Variants in CEP70 observed in about 807,000 individuals in gnomAD.
The protein encoded by CEP70 is centrosomal protein of 70 kDa.
In CEP70, 70 loss-of-function variants were observed where a neutral mutation model predicts 90.9. The observed-to-expected ratio is 0.77, with a 90% CI of 0.64 to 0.94. The LOEUF is 0.94. Ranked by LOEUF, CEP70 falls within the 40% of genes least tolerant of loss-of-function variation. The pLI is 0.00. For synonymous variants in CEP70, 220 were observed against 228.3 expected, an observed-to-expected ratio of 0.96 and a Z score of 0.33; for missense variants, 648 against 669.0, an observed-to-expected ratio of 0.97 and a Z score of 0.35.
At position 138,563,764 on chromosome 3, in the gene CEP70, A is replaced by AC. The variant is rs974240464; in HGVS notation, c.465+6553dup. On this transcript the variant is annotated intron_variant, in intron 6 of 17. Transcript: ENST00000264982. ...AAAGCAGGAAAGATCTAAAATCGACACCTAAAATCACAATTAAAAGAACTA... is the reference window on the plus strand; with the variant it reads ...AAAGCAGGAAAGATCTAAAATCGACACCCTAAAATCACAATTAAAAGAACTA... Among the ~76,000 whole-genome samples, 860 of 152,200 alleles carry AC rather than the reference A, an allele frequency of 5.7e-3. 7 individuals are homozygous for AC. The highest frequency in any genetic ancestry group is 0.02 in the African/African-American group (828 of 41,530).
rs1275720490 is a variant in CEP70 at position 138,572,888 on chromosome 3, G to A, written c.40C>T (p.Pro14Ser). ...VAPKPQDSSQ[P>S]SDRLMTEKQQ... The stretch of plus-strand genomic sequence containing the variant: ...TTTTCAGTCATGAGTCTGTCTGATG[G>A]TTGACTGGAATCCTGGGGTTTAGGG... Residue 14 changes from proline (P) to serine (S), a missense_variant, in exon 3 of 18, where the codon CCA becomes TCA. Pro to Ser is a moderately conservative substitution (Grantham distance 74). Transcript: ENST00000264982. 6.8e-6 allele frequency: 11 copies of A among 1,609,784 alleles called. No individual in the cohort carries two copies. The highest frequency in any genetic ancestry group is 8.5e-6 in the Non-Finnish European group (10 of 1,176,800).
intron 12 of CEP70, 70 bp downstream of exon 12, chr3:138,508,369 T>C (rs2035188506): frequency 2.1e-6 from 2 of 961,924 alleles, no homozygotes; most frequent in Non-Finnish European, 3.4e-6. Context: ...GATAATTTAT[T>C]ACACCACAAC....
chr3:138,539,090 G>T (rs1042027428), intron 6 of CEP70, among the ~76,000 whole-genome samples: 6 of 152,158 alleles, frequency 3.9e-5, no homozygotes, highest in African/African-American at 1.4e-4. Context: ...TCAGCTTACT[G>T]CAACTTCCAC....
chr3:138,495,785 G>T (rs1325183299), intron 17 of CEP70: 1 of 655,538 alleles, frequency 1.5e-6, no homozygotes, highest in Non-Finnish European at 1.9e-6. Context: ...CCCAGAGGCA[G>T]AGGTTGCAGT....
At chr3:138,566,818 T>TATA (rs1553862505) in intron 6 of CEP70, among the ~76,000 whole-genome samples, 1 of 146,482 alleles carries the variant, frequency 6.8e-6, no homozygotes, top group Non-Finnish European at 1.5e-5. Flanking sequence ...TATATATATA[T>TATA]AAAAAAAAAA....
intron 2 of CEP70, 73 bp downstream of exon 2, chr3:138,591,781 T>C: frequency 8.7e-7 from 1 of 1,147,862 alleles, no homozygotes; most frequent in South Asian, 1.3e-5. Flanking sequence ...GAACCTAGTA[T>C]AGTACTCAAT....
chr3:138,502,932 C>G (rs1190995397), intron 13 of CEP70, among the ~76,000 whole-genome samples: 1 of 152,150 alleles, frequency 6.6e-6, no homozygotes, highest in Non-Finnish European at 1.5e-5. Flanking sequence ...ATCTGTAGTT[C>G]ACCTTTCTTG....
chr3:138,539,154 A>G (rs1188013433), intron 6 of CEP70, among the ~76,000 whole-genome samples: 1 of 152,034 alleles, frequency 6.6e-6, no homozygotes, highest in African/African-American at 2.4e-5. Flanking sequence ...GATTACCATC[A>G]CACCTGGATA....
chr3:138,561,434 G>A (rs992537071), intron 6 of CEP70, among the ~76,000 whole-genome samples: 10 of 152,122 alleles, frequency 6.6e-5, no homozygotes, highest in African/African-American at 2.4e-4. Context: ...CGAAGATGGG[G>A]AGAAACCAGC....
chr3:138,557,803 T>C (rs1192959200), intron 6 of CEP70, among the ~76,000 whole-genome samples: 1 of 151,838 alleles, frequency 6.6e-6, no homozygotes, highest in Non-Finnish European at 1.5e-5. Context: ...CCTATGGAAA[T>C]AAAAAATTTT....
Position 138,537,276 on chromosome 3 carries a change from G to A in CEP70, c.537C>T (p.Val179=), listed in dbSNP as rs772269496. ...EETIASLQME[V]CRLKKEEEDR... is the part of the protein sequence containing the mutation. Reference sequence around the variant, plus strand: ...CTTCTTCCTCCTTTTTTAATCTACAGACTTCCATTTGCAAAGAAGCAATAG... The same window carrying A: ...CTTCTTCCTCCTTTTTTAATCTACAAACTTCCATTTGCAAAGAAGCAATAG... The change falls in exon 7 of 18, where the codon GTC becomes GTT. Residue 179 remains valine, a synonymous_variant. Coordinates refer to ENST00000264982, the MANE Select transcript of CEP70 (RefSeq NM_024491.4). 1.2e-6 allele frequency: 2 copies of A among 1,609,336 alleles called. No individual in the cohort carries two copies. The highest frequency in any genetic ancestry group is 1.7e-5 in the Admixed American group (1 of 59,232).
At chr3:138,497,370 A>G in intron 17 of CEP70, 1 of 1,227,458 alleles carries the variant, frequency 8.1e-7, no homozygotes, top group Non-Finnish European at 1.0e-6. Flanking sequence ...CTATACAGAA[A>G]AAATTCACTG....
In CEP70 at chr3:138,588,920, C is replaced by T. The variant is rs2042240629; in HGVS notation, c.-6+2934G>A. Among the ~76,000 whole-genome samples the T allele has an allele frequency of 2.0e-5, 3 of 152,284 alleles. No homozygotes were observed. The South Asian group carries it at 6.2e-4, about 32-fold the overall frequency. ...CAGCAATAAAAAAGAATATGTGCAA[C>T]ATGGATAAATGTCAAAATAATTACG... On this transcript the variant is annotated intron_variant, in intron 2 of 17. Transcript: ENST00000264982.
At chr3:138,527,584 C>T (rs1160932224) in intron 10 of CEP70, among the ~76,000 whole-genome samples, 1 of 151,248 alleles carries the variant, frequency 6.6e-6, no homozygotes, top group African/African-American at 2.4e-5. Context: ...GTCCCAGCTA[C>T]TCGGGAGGCT....
At chr3:138,502,186 AAATC>A (rs2034571909) in intron 13 of CEP70, among the ~76,000 whole-genome samples, 1 of 152,192 alleles carries the variant, frequency 6.6e-6, no homozygotes, top group Non-Finnish European at 1.5e-5. Flanking sequence ...TTTCAATATA[AAATC>A]AATTATTTTA....
At chr3:138,562,181 G>T (rs1364869053) in intron 6 of CEP70, among the ~76,000 whole-genome samples, 1 of 151,894 alleles carries the variant, frequency 6.6e-6, no homozygotes, top group African/African-American at 2.4e-5. Flanking sequence ...AATGAACAAA[G>T]CCTCCAAGAA....
intron 16 of CEP70, among the ~76,000 whole-genome samples, chr3:138,499,604 G>A (rs1010801742): frequency 6.6e-6 from 1 of 152,062 alleles, no homozygotes; most frequent in Non-Finnish European, 1.5e-5. Context: ...CCATCCCTAA[G>A]GGTTTGAGAT....
chr3:138,530,972 T>A lies in CEP70; in HGVS notation c.693-1510A>T, dbSNP rs191438879. 7.4e-3 allele frequency: 2,260 copies of A among 304,308 alleles called. 14 individuals are homozygous for A. Among genetic ancestry groups the A allele is most frequent in the Non-Finnish European group, 9.4e-3 (1,950 of 207,530 alleles). 18.9% of individuals were successfully genotyped at this position (304,308 alleles called of 1,614,324 possible). A position where few individuals can be genotyped will look rare whatever the true frequency, so the allele number is the denominator to read the frequency against. On this transcript the variant is annotated intron_variant, in intron 8 of 17. Coordinates refer to ENST00000264982, the MANE Select transcript of CEP70 (RefSeq NM_024491.4). ...GAGAGACTCTTTTTATTGCTGCAAA[T>A]TTTCTCATTTGTAGAATATTATTTA...
chr3:138,498,177 G>C (rs1450400510), intron 16 of CEP70, 67 bp from the exon 17 acceptor site: 6 of 1,115,448 alleles, frequency 5.4e-6, no homozygotes, highest in Admixed American at 2.1e-5. Context: ...ATTGCAAACA[G>C]AACATTTTCA....
Sources: gnomAD v4.1 joint callset for allele counts (sites outside exome capture counted in the v4.1 genomes callset) on GRCh38, gnomAD v4.1.1 for gene constraint, MANE v1.5 for transcripts, NCBI Gene and HGNC (gene_info 2026-07-23, HGNC 2026-07-21) for gene names.